KCTD21: variants seen among roughly 807,000 people sequenced by gnomAD.
The protein encoded by KCTD21 is potassium channel tetramerization domain containing 21, also known as BTB/POZ domain-containing protein KCTD21.
A neutral mutation model predicts 13.2 loss-of-function variants in KCTD21; 9 were observed. The observed-to-expected ratio is 0.68, with a 90% CI of 0.41 to 1.19. KCTD21 has a LOEUF of 1.19. KCTD21 is among the 50% of genes most tolerant of loss of function. The pLI, the probability that KCTD21 is intolerant of heterozygous loss-of-function variation, is 0.01. For synonymous variants in KCTD21, 142 were observed against 137.4 expected, an observed-to-expected ratio of 1.03 and a Z score of -0.23; for missense variants, 303 against 336.5, an observed-to-expected ratio of 0.90 and a Z score of 0.78.
At chr11:78,186,879 G>A (rs1355383963) in intron 1 of KCTD21, 1 of 985,454 alleles carries the variant, frequency 1.0e-6, no homozygotes, top group Non-Finnish European at 1.2e-6. Flanking sequence ...ATGGATGCCT[G>A]GCTCCCTTGC....
intron 1 of KCTD21, among the ~76,000 whole-genome samples, chr11:78,180,142 G>A (rs1326422048): frequency 1.3e-5 from 2 of 152,176 alleles, no homozygotes; most frequent in East Asian, 3.8e-4. Flanking sequence ...TGTGGATTAG[G>A]CAAAGATTTC....
Position 78,173,124 on chromosome 11 carries a change from A to G in KCTD21, c.*648T>C, listed in dbSNP as rs1442293320. ...GCCAGGAATCCCTTGATTCAGCCCT[A>G]TCAAGAGGGACATTCCTACCTTCTG... On this transcript the variant is annotated 3_prime_UTR_variant, in exon 2 of 2. Transcript: ENST00000340067. 6.6e-6 allele frequency: 1 copy of G among 152,250 alleles called. No homozygotes were observed. Among genetic ancestry groups the G allele is most frequent in the East Asian group, 1.9e-4 (1 of 5,192 alleles). 9.4% of individuals were successfully genotyped at this position (152,250 alleles called of 1,614,324 possible).
chr11:78,186,296 C>T (rs1215489962), intron 1 of KCTD21, among the ~76,000 whole-genome samples: 1 of 138,464 alleles, frequency 7.2e-6, no homozygotes, highest in Non-Finnish European at 1.5e-5. Context: ...TCGCTTGAGC[C>T]TGGGAGGTCA....
At chr11:78,187,716 G>C (rs1288914603) in intron 1 of KCTD21, 1 of 985,318 alleles carries the variant, frequency 1.0e-6, no homozygotes, top group Non-Finnish European at 1.2e-6. Context: ...TACTATAGGA[G>C]GGCTGCCTTA....
chr11:78,178,648 G>A (rs1376962033), intron 1 of KCTD21, among the ~76,000 whole-genome samples: 1 of 152,182 alleles, frequency 6.6e-6, no homozygotes, highest in Non-Finnish European at 1.5e-5. Context: ...TGAGGCAGGA[G>A]AACAAGGTTT....
intron 1 of KCTD21, chr11:78,174,952 A>G (rs1862404428): frequency 5.8e-6 from 1 of 171,594 alleles, no homozygotes; most frequent in Admixed American, 5.8e-5. Context: ...ATAGAGAACC[A>G]CTGGTCTAAA....
At position 78,174,190 on chromosome 11, in the gene KCTD21, G is replaced by A. The variant is rs370613583; in HGVS notation, c.365C>T (p.Thr122Met). 2.4e-5 allele frequency: 39 copies of A among 1,613,938 alleles called. No homozygotes were observed. The highest frequency in any genetic ancestry group is 1.6e-4 in the Middle Eastern group (1 of 6,084). ...TGCCTCGCGCACAGTGAAGTGGACC[G>A]TCTGCACACGCTGGTTCAGTGTGAT... The part of the protein sequence containing the change: ...LNITLNQRVQ[T>M]VHFTVREAPQ... The change falls in exon 2 of 2, where the codon ACG becomes ATG. Residue 122 changes from threonine (T) to methionine (M), a missense_variant. Coordinates refer to ENST00000340067, the MANE Select transcript of KCTD21 (RefSeq NM_001029859.3).
rs1212600051 is a variant in KCTD21 at position 78,174,012 on chromosome 11, G to A, written c.543C>T (p.Pro181=). 6.2e-7 allele frequency: 1 copy of A among 1,613,982 alleles called. No individual in the cohort carries two copies. Among genetic ancestry groups the A allele is most frequent in the African/African-American group, 1.3e-5 (1 of 74,898 alleles). The change falls in exon 2 of 2, where the codon CCC becomes CCT. Residue 181 remains proline, a synonymous_variant. Transcript: ENST00000340067. ...LSSITSHLQD[P]NHLTLDWVAN... ...CCACCCAGTCCAGAGTCAGGTGGTT[G>A]GGGTCCTGCAAGTGGCTGGTGATGG...
Position 78,173,484 on chromosome 11 carries a change from T to C in KCTD21, c.*288A>G, listed in dbSNP as rs1862343886. On this transcript the variant is annotated 3_prime_UTR_variant, in exon 2 of 2. Transcript: ENST00000340067. Reference sequence around the variant, plus strand: ...GGAGAAAACTGCTGCTCTTTTGTCCTGGCTGGAAAATCCTCCTATGGCCTC... The same window carrying C: ...GGAGAAAACTGCTGCTCTTTTGTCCCGGCTGGAAAATCCTCCTATGGCCTC... 1 of 322,650 alleles carries C rather than the reference T, an allele frequency of 3.1e-6. No homozygotes were observed. The highest frequency in any genetic ancestry group is 4.6e-5 in the Admixed American group (1 of 21,888). 20.0% of individuals were successfully genotyped at this position (322,650 alleles called of 1,614,324 possible).
At chr11:78,187,691 A>T in intron 1 of KCTD21, 1 of 985,142 alleles carries the variant, frequency 1.0e-6, no homozygotes, top group Non-Finnish European at 1.2e-6. Flanking sequence ...AATCCATCTC[A>T]TTTCATCCTC....
rs1267414456 is a variant in KCTD21, at chr11:78,174,526, C to G, written c.29G>C (p.Gly10Ala). MSDPITLNV[G>A]GKLYTTSLAT... is the part of the protein sequence containing the mutation. Reference sequence around the variant, plus strand: ...CAGTGAGGTTGTATAGAGCTTCCCCCCGACGTTCAGCGTGATGGGGTCGGA... The same window carrying G: ...CAGTGAGGTTGTATAGAGCTTCCCCGCGACGTTCAGCGTGATGGGGTCGGA... The change falls in exon 2 of 2, where the codon GGG becomes GCG. Residue 10 changes from glycine (G) to alanine (A), a missense_variant. Physicochemically the swap from Gly to Ala is moderately conservative, Grantham distance 60. Coordinates refer to ENST00000340067, the MANE Select transcript of KCTD21 (RefSeq NM_001029859.3). 9 of 1,613,152 alleles carry G rather than the reference C, an allele frequency of 5.6e-6. No homozygotes were observed. The highest frequency in any genetic ancestry group is 1.7e-5 in the Admixed American group (1 of 59,848).
chr11:78,184,672 A>G (rs565319949), intron 1 of KCTD21, among the ~76,000 whole-genome samples: 1 of 152,204 alleles, frequency 6.6e-6, no homozygotes, highest in Non-Finnish European at 1.5e-5. Context: ...TAAAAGAGAT[A>G]TAATAGGATG....
At chr11:78,184,443 T>C (rs542633611) in intron 1 of KCTD21, among the ~76,000 whole-genome samples, 2 of 151,836 alleles carry the variant, frequency 1.3e-5, no homozygotes, top group Non-Finnish European at 2.9e-5. Flanking sequence ...TTCAAGCAAT[T>C]CTCTTGCCTC....
At position 78,173,133 on chromosome 11, in the gene KCTD21, G is replaced by A. The variant is rs1862329416; in HGVS notation, c.*639C>T. The A allele has an allele frequency of 6.6e-6, 1 of 152,270 alleles. No individual in the cohort carries two copies. Among genetic ancestry groups the A allele is most frequent in the Non-Finnish European group, 1.5e-5 (1 of 68,144 alleles). The allele number at this position is 152,270 out of a possible 1,614,324, so 9.4% of individuals were successfully genotyped here. A position where few individuals can be genotyped will look rare whatever the true frequency, so the allele number is the denominator to read the frequency against. The stretch of plus-strand genomic sequence containing the variant: ...CCCTTGATTCAGCCCTATCAAGAGG[G>A]ACATTCCTACCTTCTGAACTCTGCC... On this transcript the variant is annotated 3_prime_UTR_variant, in exon 2 of 2. Transcript: ENST00000340067.
chr11:78,174,815 A>G, intron 1 of KCTD21: 1 of 405,036 alleles, frequency 2.5e-6, no homozygotes, highest in East Asian at 4.0e-5. Context: ...AAAGGGAAGG[A>G]CCCCTAAAGC....
intron 1 of KCTD21, chr11:78,177,963 C>T (rs981585887): frequency 1.3e-5 from 2 of 152,192 alleles, no homozygotes; most frequent in Non-Finnish European, 2.9e-5. Context: ...CCCCCGATGA[C>T]GTCATGGCTC....
intron 1 of KCTD21, among the ~76,000 whole-genome samples, chr11:78,178,702 G>C (rs1001959444): frequency 1.3e-5 from 2 of 152,168 alleles, no homozygotes; most frequent in African/African-American, 4.8e-5. Context: ...CTTCATAAAA[G>C]AGAAAACACC....
At chr11:78,186,402 A>AAAAAAAAAAAAAAAAAAAAAAC (rs71046958) in intron 1 of KCTD21, among the ~76,000 whole-genome samples, 2 of 132,012 alleles carry the variant, frequency 1.5e-5, no homozygotes, top group African/African-American at 2.7e-5. Context: ...AAAAAAAAAA[A>AAAAAAAAAAAAAAAAAAAAAAC]AAAAAGAAAA....
intron 1 of KCTD21, among the ~76,000 whole-genome samples, chr11:78,178,417 C>A (rs1484820770): frequency 6.6e-6 from 1 of 152,156 alleles, no homozygotes; most frequent in African/African-American, 2.4e-5. Flanking sequence ...CGTGAGCCAC[C>A]GTGCCTGGTC....
Sources: allele counts gnomAD v4.1 joint callset (sites outside exome capture counted in the v4.1 genomes callset), GRCh38; gene constraint gnomAD v4.1.1; transcripts MANE v1.5; gene names NCBI Gene and HGNC (gene_info 2026-07-23, HGNC 2026-07-21).